Variants in FAR1 observed in about 807,000 individuals in gnomAD.
FAR1 encodes male sterility domain-containing protein 2.
Under a neutral mutation model 61.1 loss-of-function variants are expected in FAR1, and 22 were observed. The observed-to-expected ratio is 0.36, with a 90% CI of 0.26 to 0.51. The LOEUF is 0.51. Ranked by LOEUF, FAR1 falls within the 20% of genes least tolerant of loss-of-function variation. The pLI is 0.95. For missense variants in FAR1, 359 were observed against 626.9 expected (o/e 0.57, Z 4.56); for synonymous variants, 206 against 209.7 (o/e 0.98, Z 0.15).
Position 13,718,901 on chromosome 11 carries a change from G to A in FAR1, c.1128-2829G>A, listed in dbSNP as rs536969022. 1.1e-4 allele frequency among the ~76,000 whole-genome samples: 16 copies of A among 152,218 alleles called. No individual in the cohort carries two copies. In the East Asian group the frequency reaches 3.1e-3, roughly 29 times the overall value. ...AGTAGTGTCATACCCTCTCCATGTG[G>A]CCTCTCCATATGGACTAGTTTGAGC... is the stretch of plus-strand genomic sequence containing the variant. On this transcript the variant is annotated intron_variant, in intron 9 of 11. Coordinates refer to ENST00000354817, the MANE Select transcript of FAR1 (RefSeq NM_032228.6).
chr11:13,706,895 C>T (rs1421139072), intron 3 of FAR1, among the ~76,000 whole-genome samples: 1 of 151,958 alleles, frequency 6.6e-6, no homozygotes, highest in African/African-American at 2.4e-5. Flanking sequence ...ATTATTGTTC[C>T]CATTTCCAGG....
intron 9 of FAR1, among the ~76,000 whole-genome samples, chr11:13,718,090 C>T (rs1368439147): frequency 6.6e-6 from 1 of 152,104 alleles, no homozygotes; most frequent in South Asian, 2.1e-4. Context: ...AAATCCTTGC[C>T]TCTTAGATCC....
chr11:13,700,606 A>T, intron 3 of FAR1, 114 bp downstream of exon 3: 1 of 626,396 alleles, frequency 1.6e-6, no homozygotes, highest in Middle Eastern at 4.5e-4. Context: ...CTATTTGCCT[A>T]TGTTAACTGT....
rs1464757143 is a variant in FAR1 at position 13,731,318 on chromosome 11, G to A, written c.*2544G>A. On this transcript the variant is annotated 3_prime_UTR_variant, in exon 12 of 12. Transcript: ENST00000354817. Reference sequence around the variant, plus strand: ...ACCTGTGTAATAAAGCTTGAAAGCAGGGAAAAGAATTTCCTTTTCCCCCTT... The same window carrying A: ...ACCTGTGTAATAAAGCTTGAAAGCAAGGAAAAGAATTTCCTTTTCCCCCTT... 1 of 152,502 alleles carries A rather than the reference G, an allele frequency of 6.6e-6. No homozygotes were observed. Among genetic ancestry groups the A allele is most frequent in the Non-Finnish European group, 1.5e-5 (1 of 67,974 alleles). The allele number at this position is 152,502 out of a possible 1,614,324, so 9.4% of individuals were successfully genotyped here.
chr11:13,719,770 T>G (rs770594306), intron 9 of FAR1: 10 of 152,142 alleles, frequency 6.6e-5, no homozygotes, highest in Admixed American at 5.9e-4. Flanking sequence ...AAGCATCTTA[T>G]AGCATGCAAG....
intron 3 of FAR1, among the ~76,000 whole-genome samples, chr11:13,704,122 T>C (rs1449238050): frequency 6.6e-6 from 1 of 151,264 alleles, no homozygotes; most frequent in African/African-American, 2.4e-5. Context: ...TCATGGGATC[T>C]GGCATAAGGG....
chr11:13,723,294 G>A (rs796555977), intron 10 of FAR1: 9 of 355,090 alleles, frequency 2.5e-5, no homozygotes, highest in African/African-American at 9.1e-5. Flanking sequence ...GAGCCCGGGA[G>A]GTCAAGGCTG....
chr11:13,720,649 G>C (rs946364941), intron 9 of FAR1: 2 of 150,642 alleles, frequency 1.3e-5, no homozygotes, highest in African/African-American at 2.4e-5. Context: ...ATACTTTTTT[G>C]ATTTTTTTCT....
chr11:13,713,434 A>G (rs574965360), intron 8 of FAR1, among the ~76,000 whole-genome samples: 1 of 152,236 alleles, frequency 6.6e-6, no homozygotes, highest in South Asian at 2.1e-4. Flanking sequence ...ACCCAGAGTA[A>G]TAAATGAAGG....
intron 8 of FAR1, 131 bp from the exon 9 acceptor site, chr11:13,714,378 G>A: frequency 1.2e-6 from 1 of 847,824 alleles, no homozygotes; most frequent in Non-Finnish European, 1.8e-6. Context: ...GAGTAGAAAA[G>A]TTTGTTTTTT....
intron 8 of FAR1, 41 bp downstream of exon 8, chr11:13,713,074 TAAAG>T (rs760840209): frequency 3.2e-6 from 5 of 1,559,246 alleles, no homozygotes; most frequent in East Asian, 4.5e-5. Flanking sequence ...GAATAAATCT[TAAAG>T]AACCAAGTTC....
intron 2 of FAR1, 110 bp from the exon 3 acceptor site, chr11:13,700,207 G>GT: frequency 1.3e-6 from 1 of 780,804 alleles, no homozygotes; most frequent in South Asian, 1.9e-5. Context: ...GAATTGTATA[G>GT]TTTAAGTTTC....
At chr11:13,723,771 A>G (rs1465555961) in intron 10 of FAR1, among the ~76,000 whole-genome samples, 1 of 152,222 alleles carries the variant, frequency 6.6e-6, no homozygotes, top group Non-Finnish European at 1.5e-5. Context: ...AACTCTAGAT[A>G]ATTTAAGATT....
chr11:13,678,180 A>C (rs904706305), intron 1 of FAR1, among the ~76,000 whole-genome samples: 8 of 152,238 alleles, frequency 5.3e-5, no homozygotes, highest in Non-Finnish European at 7.3e-5. Context: ...TTTTTGGTAC[A>C]TTCTAGTAAA....
chr11:13,697,960 A>G (rs1259116400), intron 2 of FAR1, among the ~76,000 whole-genome samples: 1 of 152,124 alleles, frequency 6.6e-6, no homozygotes, highest in Non-Finnish European at 1.5e-5. Flanking sequence ...TTAGTTTCAT[A>G]TAGTTAGGAT....
intron 10 of FAR1, among the ~76,000 whole-genome samples, chr11:13,726,872 TCCTAGAATTGG>T (rs1848672026): frequency 6.6e-6 from 1 of 151,982 alleles, no homozygotes; most frequent in Admixed American, 6.6e-5. Context: ...AGCTTTCCCT[TCCTAGAATTGG>T]CTATTTTTAG....
chr11:13,695,850 C>T (rs543295662), intron 2 of FAR1, among the ~76,000 whole-genome samples: 1 of 152,210 alleles, frequency 6.6e-6, no homozygotes, highest in Non-Finnish European at 1.5e-5. Flanking sequence ...TGTTTGACAC[C>T]ATGCAACAGA....
chr11:13,687,767 G>A (rs537362559), intron 1 of FAR1, among the ~76,000 whole-genome samples: 22 of 152,156 alleles, frequency 1.4e-4, no homozygotes, highest in African/African-American at 5.1e-4. Flanking sequence ...GGAATACTAT[G>A]CAGCCATAAA....
At chr11:13,711,733 C>T (rs375791892) in intron 5 of FAR1, 31 bp from the exon 6 acceptor site, 2 of 1,506,402 alleles carry the variant, frequency 1.3e-6, no homozygotes, top group Non-Finnish European at 1.8e-6. Context: ...TGTTTCTAAG[C>T]TTCTCTCCCT....
Sources: gnomAD v4.1 joint callset for allele counts (sites outside exome capture counted in the v4.1 genomes callset) on GRCh38, gnomAD v4.1.1 for gene constraint, MANE v1.5 for transcripts, NCBI Gene and HGNC (gene_info 2026-07-23, HGNC 2026-07-21) for gene names.